GALNT13: variants seen among roughly 807,000 people sequenced by gnomAD.
GALNT13 encodes the protein UDP-GalNAc:polypeptide N-acetylgalactosaminyltransferase 13.
A neutral mutation model predicts 64.2 loss-of-function variants in GALNT13; 28 were observed. The observed-to-expected ratio is 0.44, with a 90% CI of 0.32 to 0.60. GALNT13 has a LOEUF of 0.60. Among genes scored for constraint, GALNT13 ranks in the 20% least tolerant of loss-of-function variants. GALNT13 has a pLI of 0.05. For synonymous variants in GALNT13, 214 were observed against 224.6 expected (o/e 0.95, Z 0.42); for missense variants, 577 against 669.8 (o/e 0.86, Z 1.53).
chr2:153,228,399 A>G, the GALNT13 span, among the ~76,000 whole-genome samples: 1 of 152,192 alleles, frequency 6.6e-6, no homozygotes, highest in African/African-American at 2.4e-5. Flanking sequence ...TGGCACCTTA[A>G]TGAACCAATA....
chr2:153,403,744 C>T, the GALNT13 span, among the ~76,000 whole-genome samples: 3 of 152,172 alleles, frequency 2.0e-5, no homozygotes, highest in African/African-American at 7.2e-5. Flanking sequence ...CTCCCTGACC[C>T]CTTGCGCTTC....
chr2:153,911,418 G>A (rs1215601928), intron 2 of GALNT13, among the ~76,000 whole-genome samples: 3 of 152,048 alleles, frequency 2.0e-5, no homozygotes, highest in Non-Finnish European at 2.9e-5. Flanking sequence ...TTCAATGTTA[G>A]CATTGATATG....
At chr2:153,362,361 C>T in the GALNT13 span, among the ~76,000 whole-genome samples, 2 of 152,124 alleles carry the variant, frequency 1.3e-5, no homozygotes, top group South Asian at 2.1e-4. Context: ...ATGACAGGAT[C>T]AAATTCACAC....
At chr2:153,722,007 T>C in the GALNT13 span, among the ~76,000 whole-genome samples, 6 of 148,502 alleles carry the variant, frequency 4.0e-5, no homozygotes, top group Non-Finnish European at 3.0e-5. Flanking sequence ...AATATACATT[T>C]TTTTCAGCAC....
intron 4 of GALNT13, among the ~76,000 whole-genome samples, chr2:154,228,761 AGGG>A: frequency 6.6e-6 from 1 of 152,144 alleles, no homozygotes; most frequent in Non-Finnish European, 1.5e-5. Context: ...ATGATGAATG[AGGG>A]GTCTGGAATC....
chr2:153,698,062 C>T, the GALNT13 span, among the ~76,000 whole-genome samples: 6 of 152,112 alleles, frequency 3.9e-5, no homozygotes, highest in African/African-American at 1.2e-4. Flanking sequence ...TTTGTCACCA[C>T]CAGGCCTGCC....
chr2:153,886,999 A>T (rs1687226425), intron 1 of GALNT13, among the ~76,000 whole-genome samples: 1 of 152,008 alleles, frequency 6.6e-6, no homozygotes, highest in South Asian at 2.1e-4. Flanking sequence ...TAGAAGTATG[A>T]CAGAAGACAG....
the GALNT13 span, among the ~76,000 whole-genome samples, chr2:153,474,609 G>A: frequency 1.3e-5 from 2 of 152,174 alleles, no homozygotes; most frequent in African/African-American, 4.8e-5. Flanking sequence ...TCAACAATTG[G>A]TTAAGCTACT....
At chr2:154,143,433 C>G (rs1212445928) in intron 4 of GALNT13, among the ~76,000 whole-genome samples, 1 of 151,524 alleles carries the variant, frequency 6.6e-6, no homozygotes, top group Non-Finnish European at 1.5e-5. Context: ...AACACTATTT[C>G]AAGTTTTTAA....
intron 4 of GALNT13, among the ~76,000 whole-genome samples, chr2:154,149,516 G>A (rs1683845075): frequency 6.6e-6 from 1 of 152,102 alleles, no homozygotes; most frequent in Non-Finnish European, 1.5e-5. Context: ...ATTACCTTGG[G>A]CAGTATGGCC....
the GALNT13 span, among the ~76,000 whole-genome samples, chr2:153,510,538 GCAGA>G: frequency 6.6e-6 from 1 of 152,262 alleles, no homozygotes; most frequent in African/African-American, 2.4e-5. Flanking sequence ...GCTATTTTAT[GCAGA>G]CACACCAACG....
chr2:153,805,159 G>A, the GALNT13 span, among the ~76,000 whole-genome samples: 21 of 151,816 alleles, frequency 1.4e-4, no homozygotes, highest in Non-Finnish European at 2.7e-4. Flanking sequence ...AAGGTTTGAG[G>A]AGGAAATGAG....
At chr2:153,584,105 T>G in the GALNT13 span, among the ~76,000 whole-genome samples, 1 of 152,118 alleles carries the variant, frequency 6.6e-6, no homozygotes. Context: ...TAAGTCCCAC[T>G]CTTACTGGCT....
the GALNT13 span, among the ~76,000 whole-genome samples, chr2:153,134,754 C>T: frequency 2.0e-5 from 3 of 152,130 alleles, no homozygotes; most frequent in Non-Finnish European, 4.4e-5. Context: ...TTCTTGACTC[C>T]TTTCTCTTTT....
At chr2:154,280,857 G>A (rs533212179) in intron 8 of GALNT13, among the ~76,000 whole-genome samples, 1 of 152,136 alleles carries the variant, frequency 6.6e-6, no homozygotes, top group Non-Finnish European at 1.5e-5. Flanking sequence ...AAAATGCAAG[G>A]TATCTGACCT....
chr2:154,231,532 AT>A (rs1688915273), intron 4 of GALNT13, among the ~76,000 whole-genome samples: 1 of 151,870 alleles, frequency 6.6e-6, no homozygotes, highest in Non-Finnish European at 1.5e-5. Context: ...AAGTTTTATT[AT>A]TTTAAAGAAC....
chr2:153,630,801 ATATATATTTTTTTT>A, the GALNT13 span, among the ~76,000 whole-genome samples: 66 of 17,230 alleles, frequency 3.8e-3, no homozygotes, highest in South Asian at 7.2e-3. Context: ...ATATATATAT[ATATATATTTTTTTT>A]TTTTTTTTTA....
At chr2:153,681,503 C>T in the GALNT13 span, among the ~76,000 whole-genome samples, 1 of 151,692 alleles carries the variant, frequency 6.6e-6, no homozygotes, top group African/African-American at 2.4e-5. Context: ...ATATGTTTAT[C>T]TCCCCACTCT....
At chr2:153,604,767 A>G in the GALNT13 span, among the ~76,000 whole-genome samples, 1 of 152,030 alleles carries the variant, frequency 6.6e-6, no homozygotes, top group African/African-American at 2.4e-5. Flanking sequence ...ACATTATTTT[A>G]TTAAGAGAAA....
Sources: allele counts gnomAD v4.1 joint callset (sites outside exome capture counted in the v4.1 genomes callset), GRCh38; gene constraint gnomAD v4.1.1; transcripts MANE v1.5; gene names NCBI Gene and HGNC (gene_info 2026-07-23, HGNC 2026-07-21).